The following KIF18A variants were observed in gnomAD, a reference collection of about 807,000 sequenced individuals.
The protein encoded by KIF18A is kinesin-like protein KIF18A.
In KIF18A, 67 loss-of-function variants were observed where a neutral mutation model predicts 103.3. That is an observed-to-expected ratio of 0.65 (90% CI 0.53 to 0.79). The LOEUF is 0.79. Among genes scored for constraint, KIF18A ranks in the 30% least tolerant of loss-of-function variants. KIF18A has a pLI of 0.00. For synonymous variants in KIF18A, 367 were observed against 355.5 expected (o/e 1.03, Z -0.36); for missense variants, 1,032 against 1,062.5 (o/e 0.97, Z 0.40).
intron 7 of KIF18A, 130 bp from the exon 8 acceptor site, chr11:28,083,373 T>A (rs879939758): frequency 1.0e-6 from 1 of 998,854 alleles, no homozygotes; most frequent in Non-Finnish European, 1.4e-6. Flanking sequence ...ATGCTCACAT[T>A]TAAAATCTAT....
intron 15 of KIF18A, among the ~76,000 whole-genome samples, chr11:28,035,096 AT>A (rs778488674): frequency 1.1e-4 from 16 of 151,824 alleles, no homozygotes; most frequent in Non-Finnish European, 1.8e-4. Context: ...ATAAGTAAAA[AT>A]TGTCACCCCA....
At chr11:28,064,786 TA>T (rs1011055046) in intron 11 of KIF18A, among the ~76,000 whole-genome samples, 2 of 152,118 alleles carry the variant, frequency 1.3e-5, no homozygotes, top group African/African-American at 4.8e-5. Flanking sequence ...TACTAATGAC[TA>T]AATCTGATTG....
intron 12 of KIF18A, among the ~76,000 whole-genome samples, chr11:28,062,087 G>A (rs1481049393): frequency 1.3e-5 from 2 of 152,074 alleles, no homozygotes; most frequent in African/African-American, 2.4e-5. Context: ...GAAATGGATG[G>A]CTAGAAGATA....
chr11:28,088,100 A>G (rs1272584780), intron 6 of KIF18A, among the ~76,000 whole-genome samples: 1 of 151,920 alleles, frequency 6.6e-6, no homozygotes, highest in Admixed American at 6.6e-5. Context: ...AAAAATCAAC[A>G]CTCTTTAATA....
chr11:28,036,746 C>T, intron 13 of KIF18A, 82 bp from the exon 14 acceptor site: 1 of 767,836 alleles, frequency 1.3e-6, no homozygotes, highest in Non-Finnish European at 1.9e-6. Flanking sequence ...AACTAAGAAA[C>T]CCTAATAATA....
intron 1 of KIF18A, among the ~76,000 whole-genome samples, chr11:28,104,064 A>C (rs1379702322): frequency 2.6e-5 from 4 of 152,202 alleles, no homozygotes; most frequent in African/African-American, 9.6e-5. Flanking sequence ...TAATAAGCCA[A>C]GTTGAACAGG....
chr11:28,053,719 G>T (rs888127506), intron 13 of KIF18A, among the ~76,000 whole-genome samples: 2 of 151,372 alleles, frequency 1.3e-5, no homozygotes, highest in African/African-American at 4.8e-5. Context: ...TGTGTTCTCC[G>T]AGATCTACTT....
At chr11:28,058,696 A>T (rs1479763141) in intron 13 of KIF18A, among the ~76,000 whole-genome samples, 1 of 119,706 alleles carries the variant, frequency 8.4e-6, no homozygotes, top group Non-Finnish European at 1.8e-5. Flanking sequence ...AAAAAAAAAG[A>T]AAAGAGTTGT....
At chr11:28,097,313 G>A in intron 2 of KIF18A, 3 of 243,020 alleles carry the variant, frequency 1.2e-5, no homozygotes, top group Non-Finnish European at 2.4e-5. Flanking sequence ...TATAAATACA[G>A]GTTATGAGAA....
intron 13 of KIF18A, chr11:28,056,894 G>A (rs1850788230): frequency 5.3e-6 from 2 of 379,838 alleles, no homozygotes; most frequent in East Asian, 1.3e-4. Context: ...GCTCACATAA[G>A]AAAAATGGAC....
At chr11:28,033,973 C>G (rs1214401618) in intron 15 of KIF18A, among the ~76,000 whole-genome samples, 1 of 151,574 alleles carries the variant, frequency 6.6e-6, no homozygotes, top group African/African-American at 2.4e-5. Context: ...AATATATACA[C>G]CTACTACGTA....
chr11:28,096,905 A>G (rs1471956504), intron 2 of KIF18A, among the ~76,000 whole-genome samples: 1 of 151,626 alleles, frequency 6.6e-6, no homozygotes, highest in Non-Finnish European at 1.5e-5. Context: ...TAAAAAGGAA[A>G]TCAACATGGC....
intron 15 of KIF18A, among the ~76,000 whole-genome samples, chr11:28,031,124 C>A (rs1296227859): frequency 6.6e-6 from 1 of 152,040 alleles, no homozygotes; most frequent in African/African-American, 2.4e-5. Flanking sequence ...GACAGTGTGG[C>A]GATTTCTCAA....
At chr11:28,028,360 C>A (rs1202283426) in intron 15 of KIF18A, among the ~76,000 whole-genome samples, 1 of 152,048 alleles carries the variant, frequency 6.6e-6, no homozygotes, top group Non-Finnish European at 1.5e-5. Context: ...AACTAGAACT[C>A]AGGATTAAGA....
chr11:28,048,628 C>A (rs1850670752), intron 13 of KIF18A, among the ~76,000 whole-genome samples: 1 of 151,972 alleles, frequency 6.6e-6, no homozygotes, highest in Admixed American at 6.6e-5. Context: ...TTTCTTTTGG[C>A]TTCACTTTTT....
At chr11:28,106,768 C>A (rs1485129469) in intron 1 of KIF18A, among the ~76,000 whole-genome samples, 1 of 151,954 alleles carries the variant, frequency 6.6e-6, no homozygotes, top group Non-Finnish European at 1.5e-5. Context: ...GTCAGGAGTT[C>A]GAGACCAGCC....
At chr11:28,091,878 C>A (rs1304856596) in intron 3 of KIF18A, among the ~76,000 whole-genome samples, 3 of 152,170 alleles carry the variant, frequency 2.0e-5, no homozygotes, top group African/African-American at 7.2e-5. Flanking sequence ...TACAGTGGCG[C>A]AATCTCGGCT....
chr11:28,055,002 G>A (rs1825836577), intron 13 of KIF18A, among the ~76,000 whole-genome samples: 1 of 152,028 alleles, frequency 6.6e-6, no homozygotes, highest in South Asian at 2.1e-4. Context: ...CTCAATCTTG[G>A]TGTTAAAATC....
chr11:28,071,520 C>A (rs1460456964), intron 10 of KIF18A, among the ~76,000 whole-genome samples: 1 of 147,472 alleles, frequency 6.8e-6, no homozygotes, highest in South Asian at 2.1e-4. Context: ...TTATTATTTA[C>A]AATTAAGCTA....
Sources: allele counts gnomAD v4.1 joint callset (sites outside exome capture counted in the v4.1 genomes callset), GRCh38; gene constraint gnomAD v4.1.1; transcripts MANE v1.5; gene names NCBI Gene and HGNC (gene_info 2026-07-23, HGNC 2026-07-21).